Variants in RALGAPB observed in about 807,000 individuals in gnomAD.
RALGAPB encodes Ral GTPase activating protein non-catalytic subunit beta.
RALGAPB carries 25 observed loss-of-function variants against 161.1 expected under a neutral mutation model. That is an observed-to-expected ratio of 0.16 (90% CI 0.11 to 0.22). RALGAPB has a LOEUF of 0.22. Ranked by LOEUF, RALGAPB falls within the 10% of genes least tolerant of loss-of-function variation. The pLI, the probability that RALGAPB is intolerant of heterozygous loss-of-function variation, is 1.00. For missense variants in RALGAPB, 1,391 were observed against 1,815.2 expected (o/e 0.77, Z 4.25); for synonymous variants, 629 against 626.1 (o/e 1.00, Z -0.07).
At chr20:38,476,615 C>T (rs191214161) in intron 1 of RALGAPB, among the ~76,000 whole-genome samples, 2 of 152,244 alleles carry the variant, frequency 1.3e-5, no homozygotes, top group East Asian at 3.9e-4. Flanking sequence ...AATTAGATAT[C>T]TAGAGGCCCC....
intron 23 of RALGAPB, among the ~76,000 whole-genome samples, chr20:38,560,785 C>T (rs1187586116): frequency 1.3e-5 from 2 of 152,174 alleles, no homozygotes; most frequent in Non-Finnish European, 2.9e-5. Context: ...TTTGGAATGT[C>T]TAAGACCTGC....
intron 21 of RALGAPB, among the ~76,000 whole-genome samples, chr20:38,552,445 A>G (rs1568969257): frequency 1.3e-5 from 2 of 152,180 alleles, no homozygotes; most frequent in Non-Finnish European, 2.9e-5. Context: ...GCACCCGGCC[A>G]GAAAAGGCTA....
At chr20:38,487,169 T>A (rs2085139537) in intron 1 of RALGAPB, among the ~76,000 whole-genome samples, 2 of 152,202 alleles carry the variant, frequency 1.3e-5, no homozygotes, top group Non-Finnish European at 2.9e-5. Context: ...GGGAGCAGCA[T>A]GACCAGTGAC....
chr20:38,516,467 G>A, intron 7 of RALGAPB, 97 bp downstream of exon 7: 1 of 1,165,472 alleles, frequency 8.6e-7, no homozygotes, highest in Non-Finnish European at 1.2e-6. Context: ...CGAAGGAAAA[G>A]ATGAACAGAT....
Position 38,524,844 on chromosome 20 carries a change from C to T in RALGAPB, c.1686C>T (p.Ser562=). 9 of 1,604,734 alleles carry T rather than the reference C, an allele frequency of 5.6e-6. No individual in the cohort carries two copies. Among genetic ancestry groups the T allele is most frequent in the South Asian group, 1.1e-5 (1 of 90,872 alleles). ...NDYVCHPVLA[S]VILNSPPLFC... ...ATGTGTGCCATCCTGTCTTGGCCAG[C>T]GTTATTCTAAACTCTCCTCCTTTGT... Residue 562 remains serine, a synonymous_variant, in exon 11 of 30, where the codon AGC becomes AGT. Transcript: ENST00000262879.
chr20:38,538,929 C>T (rs1432119801), intron 16 of RALGAPB, among the ~76,000 whole-genome samples: 2 of 152,128 alleles, frequency 1.3e-5, no homozygotes, highest in African/African-American at 4.8e-5. Context: ...GATATAAATA[C>T]CTTGTACATG....
At chr20:38,521,406 A>G in intron 9 of RALGAPB, 91 bp from the exon 10 acceptor site, 6 of 1,550,936 alleles carry the variant, frequency 3.9e-6, no homozygotes, top group African/African-American at 2.7e-5. Flanking sequence ...TAGCTATTTA[A>G]TGACACCAAT....
At chr20:38,509,801 C>T (rs1042322879) in intron 6 of RALGAPB, among the ~76,000 whole-genome samples, 4 of 152,000 alleles carry the variant, frequency 2.6e-5, no homozygotes, top group African/African-American at 9.7e-5. Flanking sequence ...AAATTTTTTC[C>T]TTGCATATCT....
intron 20 of RALGAPB, among the ~76,000 whole-genome samples, chr20:38,549,563 TACACACACACACACATACATATACAC>T (rs953131265): frequency 5.2e-5 from 6 of 115,310 alleles, no homozygotes; most frequent in Admixed American, 1.0e-4. Flanking sequence ...TATATATATA[TACACACACACACACATACATATACAC>T]ACACACACAC....
chr20:38,563,933 G>T (rs938445686), intron 24 of RALGAPB, among the ~76,000 whole-genome samples: 1 of 152,160 alleles, frequency 6.6e-6, no homozygotes, highest in Non-Finnish European at 1.5e-5. Context: ...TACCACAGCA[G>T]CCTGAAGAGG....
chr20:38,515,954 A>G (rs1173646179), intron 6 of RALGAPB, among the ~76,000 whole-genome samples: 2 of 152,090 alleles, frequency 1.3e-5, no homozygotes, highest in Non-Finnish European at 1.5e-5. Context: ...TCAAAATTAA[A>G]ATTTTTTCTA....
chr20:38,512,414 C>G (rs1294212019), intron 6 of RALGAPB, among the ~76,000 whole-genome samples: 1 of 152,208 alleles, frequency 6.6e-6, no homozygotes, highest in Non-Finnish European at 1.5e-5. Context: ...GCAATTTATT[C>G]TCTCTGTGCC....
intron 4 of RALGAPB, among the ~76,000 whole-genome samples, chr20:38,497,792 T>C (rs2085469744): frequency 6.6e-6 from 1 of 152,070 alleles, no homozygotes; most frequent in South Asian, 2.1e-4. Context: ...TTTAATAGGA[T>C]AGGCCAGGCG....
In RALGAPB at chr20:38,517,576, T is replaced by A; in HGVS notation, c.1122T>A (p.Ala374=). The change falls in exon 8 of 30, where the codon GCT becomes GCA. Residue 374 remains alanine (A), a synonymous_variant. Coordinates refer to ENST00000262879, the MANE Select transcript of RALGAPB (RefSeq NM_020336.4). The part of the protein sequence containing the change: ...PVNRLSMPQS[A]AVSTTPPHNR... ...ATAGATTAAGTATGCCTCAAAGTGC[T>A]GCTGTCAGTACCACCCCCCCACATA... is the stretch of plus-strand genomic sequence containing the variant. The A allele has an allele frequency of 1.2e-6, 2 of 1,614,004 alleles. No individual in the cohort carries two copies. The highest frequency in any genetic ancestry group is 1.7e-6 in the Non-Finnish European group (2 of 1,179,946).
chr20:38,573,564 G>C (rs2088321740), intron 28 of RALGAPB: 1 of 152,200 alleles, frequency 6.6e-6, no homozygotes, highest in South Asian at 2.1e-4. Context: ...CCCTGCCACA[G>C]TGCGGCCATT....
chr20:38,563,642 T>C (rs1447094695), intron 24 of RALGAPB, among the ~76,000 whole-genome samples: 2 of 152,244 alleles, frequency 1.3e-5, no homozygotes, highest in South Asian at 4.1e-4. Context: ...ATAATGCCTA[T>C]GCCCAGTGCA....
At chr20:38,544,665 G>A (rs973689212) in intron 18 of RALGAPB, among the ~76,000 whole-genome samples, 3 of 151,964 alleles carry the variant, frequency 2.0e-5, no homozygotes, top group Admixed American at 6.6e-5. Context: ...ACGGAGTTTT[G>A]CCATGTTGGC....
intron 5 of RALGAPB, among the ~76,000 whole-genome samples, chr20:38,501,489 A>G (rs2085593450): frequency 6.6e-6 from 1 of 151,942 alleles, no homozygotes; most frequent in African/African-American, 2.4e-5. Context: ...TGTAGAACAC[A>G]CCTCCCAGGT....
In RALGAPB at chr20:38,517,569, A is replaced by C. The variant is rs369117744; in HGVS notation, c.1115A>C (p.Gln372Pro). 8.1e-6 allele frequency: 13 copies of C among 1,613,728 alleles called. No individual in the cohort carries two copies. Among genetic ancestry groups the C allele is most frequent in the Non-Finnish European group, 1.0e-5 (12 of 1,179,902 alleles). Residue 372 changes from glutamine to proline, a missense_variant, in exon 8 of 30, where the codon CAA (glutamine) becomes CCA (proline). Coordinates refer to ENST00000262879, the MANE Select transcript of RALGAPB (RefSeq NM_020336.4). ...PTPVNRLSMP[Q>P]SAAVSTTPPH... The stretch of plus-strand genomic sequence containing the variant: ...CCCGTGAATAGATTAAGTATGCCTC[A>C]AAGTGCTGCTGTCAGTACCACCCCC...
Sources: allele counts gnomAD v4.1 joint callset (sites outside exome capture counted in the v4.1 genomes callset), GRCh38; gene constraint gnomAD v4.1.1; transcripts MANE v1.5; gene names NCBI Gene and HGNC (gene_info 2026-07-23, HGNC 2026-07-21).